PIGP: variants seen among roughly 807,000 people sequenced by gnomAD.
PIGP encodes phosphatidylinositol N-acetylglucosaminyltransferase subunit P.
Under a neutral mutation model 16.9 loss-of-function variants are expected in PIGP, and 12 were observed. The ratio of observed to expected loss-of-function variants is 0.71; its 90% CI spans 0.46 to 1.15. The LOEUF is 1.15. Ranked by LOEUF, PIGP falls within the 50% of genes most tolerant of loss-of-function variation. The pLI is 0.00. For synonymous variants in PIGP, 57 were observed against 54.7 expected, an observed-to-expected ratio of 1.04 and a Z score of -0.18; for missense variants, 159 against 153.5, an observed-to-expected ratio of 1.04 and a Z score of -0.19.
At chr21:37,072,722 C>G in intron 1 of PIGP, 185 bp from the exon 2 acceptor site, 4 of 893,908 alleles carry the variant, frequency 4.5e-6, no homozygotes, top group Non-Finnish European at 6.8e-6. Flanking sequence ...CGCCCCGCAA[C>G]AGAAGGGGTG....
chr21:37,069,456 G>T lies in PIGP; in HGVS notation c.155+96C>A, dbSNP rs140703450. On this transcript the variant is annotated intron_variant, in intron 3 of 4. Transcript: ENST00000360525. ...ATATGGCTATTCATGAATTTTAAGA[G>T]AACAAATATTTAAGATTTGGGTAGG... 936 of 704,336 alleles carry T rather than the reference G, an allele frequency of 1.3e-3. 14 individuals are homozygous for T. The East Asian group carries it at 0.023, about 17-fold the overall frequency. The allele number at this position is 704,336 out of a possible 1,614,324, so 43.6% of individuals were successfully genotyped here.
chr21:37,067,902 A>G (rs1304043553), intron 3 of PIGP, among the ~76,000 whole-genome samples: 2 of 151,832 alleles, frequency 1.3e-5, no homozygotes, highest in African/African-American at 4.8e-5. Context: ...TTGTCTGTTC[A>G]CTTGGTTTCC....
intron 3 of PIGP, among the ~76,000 whole-genome samples, chr21:37,068,010 G>T (rs945034505): frequency 4.7e-5 from 7 of 148,122 alleles, no homozygotes; most frequent in Non-Finnish European, 6.0e-5. Flanking sequence ...TTCATTGAGT[G>T]TTTTTTTTTT....
chr21:37,069,427 T>C (rs1234266131), intron 3 of PIGP, 125 bp downstream of exon 3: 4 of 533,936 alleles, frequency 7.5e-6, no homozygotes, highest in Non-Finnish European at 1.3e-5. Context: ...AGCTTTCAAT[T>C]TCTATATGGC....
chr21:37,067,172 T>C, intron 4 of PIGP, 90 bp downstream of exon 4: 1 of 764,264 alleles, frequency 1.3e-6, no homozygotes, highest in South Asian at 1.6e-5. Context: ...AACATGGGTT[T>C]TGCAGCCTGT....
Position 37,069,569 on chromosome 21 carries a change from T to C in PIGP, c.138A>G (p.Leu46=). 6.4e-7 allele frequency: 1 copy of C among 1,563,124 alleles called. No homozygotes were observed. Among genetic ancestry groups the C allele is most frequent in the East Asian group, 2.3e-5 (1 of 42,660 alleles). Residue 46 remains leucine (L), a synonymous_variant, in exon 3 of 5, where the codon TTA becomes TTG. Coordinates refer to ENST00000360525, the MANE Select transcript of PIGP (RefSeq NM_153682.3). The part of the protein sequence containing the change: ...IPESWLNSLG[L]TYWPQKYWAV... ...AAACTTACTTTTGAGGCCAATAGGT[T>C]AAACCTAAAGAGTTTAGCCAAGATT...
intron 1 of PIGP, 137 bp downstream of exon 1, chr21:37,072,863 C>T (rs1018594001): frequency 9.2e-6 from 4 of 435,346 alleles, no homozygotes; most frequent in African/African-American, 2.1e-5. Context: ...TGCGGGCCTA[C>T]TAGGTCGCGG....
chr21:37,066,102 T>A (rs534205749), intron 4 of PIGP, among the ~76,000 whole-genome samples: 76 of 150,956 alleles, frequency 5.0e-4, no homozygotes, highest in South Asian at 8.3e-4. Flanking sequence ...AAATAAAAAA[T>A]AAATAAATAA....
chr21:37,070,648 A>T lies in PIGP; in HGVS notation c.83-1024T>A, dbSNP rs1228441965. Among the ~76,000 whole-genome samples the T allele has an allele frequency of 4.6e-5, 7 of 152,340 alleles. No individual in the cohort carries two copies. In the South Asian group the frequency reaches 1.4e-3, roughly 32 times the overall value. On this transcript the variant is annotated intron_variant, in intron 2 of 4. Coordinates refer to ENST00000360525, the MANE Select transcript of PIGP (RefSeq NM_153682.3). ...ATTGACTATCTCCCCCCGGCATGAG[A>T]ATGAAGACTCAAAGCAGGGCATTTT...
intron 2 of PIGP, among the ~76,000 whole-genome samples, chr21:37,070,529 C>T (rs1255682357): frequency 6.6e-6 from 1 of 152,182 alleles, no homozygotes; most frequent in African/African-American, 2.4e-5. Flanking sequence ...AGAAGGCCCT[C>T]CTTCCACTTC....
At chr21:37,065,900 T>A (rs1288787069) in intron 4 of PIGP, among the ~76,000 whole-genome samples, 188 bp from the exon 5 acceptor site, 1 of 151,912 alleles carries the variant, frequency 6.6e-6, no homozygotes, top group Non-Finnish European at 1.5e-5. Flanking sequence ...AATAAAAACA[T>A]CCCTGTCTCT....
Position 37,065,607 on chromosome 21 carries a change from G to A in PIGP, c.380C>T (p.Ala127Val), listed in dbSNP as rs139467537. 2.1e-5 allele frequency: 34 copies of A among 1,612,950 alleles called. No individual in the cohort carries two copies. In the African/African-American group the frequency reaches 4.4e-4, roughly 21 times the overall value. Residue 127 changes from alanine to valine, a missense_variant, in exon 5 of 5, where the codon GCC (alanine) becomes GTC (valine). Ala to Val is a moderately conservative substitution (Grantham distance 64, BLOSUM62 0). Coordinates refer to ENST00000360525, the MANE Select transcript of PIGP (RefSeq NM_153682.3). Reference sequence around the variant, plus strand: ...TCAGTTTTTGGTGTAAAGTTCTTTGGCTGCAAGAAAGAACATTTGGTTTAC... The same window carrying A: ...TCAGTTTTTGGTGTAAAGTTCTTTGACTGCAAGAAAGAACATTTGGTTTAC... ...SEVNQMFFLA[A>V]KELYTKN
At chr21:37,068,225 G>T (rs1307430810) in intron 3 of PIGP, among the ~76,000 whole-genome samples, 1 of 150,000 alleles carries the variant, frequency 6.7e-6, no homozygotes, top group Non-Finnish European at 1.5e-5. Context: ...TTTTTTAAAT[G>T]ATTTGTTCTC....
rs1192441495 is a variant in PIGP, at chr21:37,073,060, C to G, written c.-83G>C. 1.9e-5 allele frequency: 3 copies of G among 156,596 alleles called. No individual in the cohort carries two copies. The highest frequency in any genetic ancestry group is 4.2e-5 in the Non-Finnish European group (3 of 71,062). 9.7% of individuals were successfully genotyped at this position (156,596 alleles called of 1,614,324 possible). ...GGAGCCGCAGTGGGGAAGAGGAAAACCTGAGGGAAAGGCCTAGGCGCGACG... is the reference window on the plus strand; with the variant it reads ...GGAGCCGCAGTGGGGAAGAGGAAAAGCTGAGGGAAAGGCCTAGGCGCGACG... On this transcript the variant is annotated 5_prime_UTR_variant, in exon 1 of 5. Transcript: ENST00000360525.
chr21:37,072,859 CCTA>C (rs1258651371), intron 1 of PIGP, 138 bp downstream of exon 1: 2 of 440,776 alleles, frequency 4.5e-6, no homozygotes, highest in African/African-American at 4.2e-5. Flanking sequence ...AGCATGCGGG[CCTA>C]CTAGGTCGCG....
chr21:37,072,722 CAGA>C (rs763802663), intron 1 of PIGP, 185 bp from the exon 2 acceptor site: 23 of 893,790 alleles, frequency 2.6e-5, no homozygotes, highest in Admixed American at 1.8e-4. Flanking sequence ...CGCCCCGCAA[CAGA>C]AGGGGTGGCG....
intron 1 of PIGP, 117 bp from the exon 2 acceptor site, chr21:37,072,654 C>A (rs918365369): frequency 6.4e-7 from 1 of 1,562,268 alleles, no homozygotes; most frequent in Non-Finnish European, 8.7e-7. Flanking sequence ...GCCTCCCGCG[C>A]CTCCGTCCGC....
intron 3 of PIGP, 100 bp downstream of exon 3, chr21:37,069,452 A>C: frequency 1.5e-6 from 1 of 678,984 alleles, no homozygotes; most frequent in Non-Finnish European, 2.4e-6. Context: ...CATGAATTTT[A>C]AGAGAACAAA....
intron 4 of PIGP, 113 bp from the exon 5 acceptor site, chr21:37,065,825 ACAT>A: frequency 1.3e-6 from 1 of 795,232 alleles, no homozygotes; most frequent in Non-Finnish European, 2.0e-6. Context: ...ATAGTGACAA[ACAT>A]CATGTTTAAC....
Sources: allele counts gnomAD v4.1 joint callset (sites outside exome capture counted in the v4.1 genomes callset), GRCh38; gene constraint gnomAD v4.1.1; transcripts MANE v1.5; gene names NCBI Gene and HGNC (gene_info 2026-07-23, HGNC 2026-07-21).